CEP128: variants seen among roughly 807,000 people sequenced by gnomAD.
The protein encoded by CEP128 is centrosomal protein 128.
CEP128 carries 132 observed loss-of-function variants against 156.7 expected under a neutral mutation model. That is an observed-to-expected ratio of 0.84 (90% CI 0.73 to 0.97). CEP128 has a LOEUF of 0.97. CEP128 is among the 50% of genes least tolerant of loss of function. The pLI is 0.00. For synonymous variants in CEP128, 469 were observed against 448.9 expected (o/e 1.04, Z -0.57); for missense variants, 1,252 against 1,281.9 (o/e 0.98, Z 0.36).
At chr14:80,527,720 T>G in intron 22 of CEP128, among the ~76,000 whole-genome samples, 1 of 152,200 alleles carries the variant, frequency 6.6e-6, no homozygotes, top group East Asian at 1.9e-4. Flanking sequence ...ACTAGAGCCC[T>G]TTTACTTCAC....
intron 19 of CEP128, 56 bp downstream of exon 19, chr14:80,743,019 G>T: frequency 6.7e-7 from 1 of 1,499,334 alleles, no homozygotes; most frequent in South Asian, 1.2e-5. Context: ...TCCAATCCTA[G>T]GATTAGGATT....
chr14:80,756,818 A>T (rs1327222806), intron 18 of CEP128, 74 bp downstream of exon 18: 1 of 980,750 alleles, frequency 1.0e-6, no homozygotes, highest in Non-Finnish European at 1.6e-6. Flanking sequence ...ATAACAAAAT[A>T]AATAGCTAAA....
intron 19 of CEP128, among the ~76,000 whole-genome samples, chr14:80,723,357 A>G (rs1233903299): frequency 2.6e-5 from 4 of 152,202 alleles, no homozygotes; most frequent in African/African-American, 9.6e-5. Flanking sequence ...GCTTCCACCC[A>G]AATCAAAGAA....
At chr14:80,864,207 T>C (rs1887657236) in intron 8 of CEP128, among the ~76,000 whole-genome samples, 2 of 152,214 alleles carry the variant, frequency 1.3e-5, no homozygotes, top group African/African-American at 4.8e-5. Flanking sequence ...TATGTGTTAA[T>C]TGACTATGTT....
intron 19 of CEP128, among the ~76,000 whole-genome samples, chr14:80,688,619 CT>C (rs1287368258): frequency 2.0e-5 from 3 of 152,168 alleles, no homozygotes; most frequent in Non-Finnish European, 4.4e-5. Context: ...AAGGCATCAC[CT>C]AAAAATCTCC....
chr14:80,792,352 A>T (rs1278575865), intron 14 of CEP128, among the ~76,000 whole-genome samples: 1 of 152,168 alleles, frequency 6.6e-6, no homozygotes, highest in Non-Finnish European at 1.5e-5. Flanking sequence ...CTTCTTTCTA[A>T]CCAATACCTA....
chr14:80,653,371 G>A (rs1490949675), intron 19 of CEP128, among the ~76,000 whole-genome samples: 2 of 152,072 alleles, frequency 1.3e-5, no homozygotes, highest in Admixed American at 6.6e-5. Flanking sequence ...GAGGTCAGTT[G>A]ATGAGATTTC....
chr14:80,668,242 C>T (rs1046340229), intron 19 of CEP128, among the ~76,000 whole-genome samples: 34 of 152,200 alleles, frequency 2.2e-4, no homozygotes, highest in African/African-American at 8.2e-4. Flanking sequence ...GAATTCAAAC[C>T]TAGGCAGGAT....
At chr14:80,579,041 T>C (rs1291049828) in intron 20 of CEP128, among the ~76,000 whole-genome samples, 1 of 152,182 alleles carries the variant, frequency 6.6e-6, no homozygotes, top group Admixed American at 6.5e-5. Context: ...CTATTAAATT[T>C]AATGAGATTA....
At chr14:80,843,381 T>A (rs1183580225) in intron 9 of CEP128, among the ~76,000 whole-genome samples, 6 of 152,078 alleles carry the variant, frequency 3.9e-5, no homozygotes, top group African/African-American at 1.4e-4. Flanking sequence ...AGTGCTACAG[T>A]TGCACACCTT....
intron 2 of CEP128, chr14:80,958,107 C>T (rs1167103735): frequency 6.6e-6 from 1 of 151,658 alleles, no homozygotes; most frequent in Non-Finnish European, 1.5e-5. Flanking sequence ...GGCGGTAGAA[C>T]TCTTTGTTGA....
intron 11 of CEP128, among the ~76,000 whole-genome samples, chr14:80,837,174 T>A (rs1315109025): frequency 6.6e-6 from 1 of 152,250 alleles, no homozygotes; most frequent in Non-Finnish European, 1.5e-5. Flanking sequence ...GTAATACTCC[T>A]TCTGAACATC....
intron 19 of CEP128, among the ~76,000 whole-genome samples, chr14:80,670,270 C>A (rs1474517064): frequency 3.3e-5 from 5 of 152,202 alleles, no homozygotes; most frequent in East Asian, 3.9e-4. Context: ...AAAAAAGATA[C>A]CTTTACTCAT....
rs570848052 is a variant in CEP128, at chr14:80,640,977, C to T, written c.2807-60554G>A. The stretch of plus-strand genomic sequence containing the variant: ...TACACAGCTTTAATTAATGCATTTA[C>T]ATTCCTTGAGAATTGCTTCCTAGCT... On this transcript the variant is annotated intron_variant, in intron 19 of 24. Transcript: ENST00000555265. Among the ~76,000 whole-genome samples, 19 of 152,302 alleles carry T rather than the reference C, an allele frequency of 1.2e-4. 1 individual carries two copies. The highest frequency in any genetic ancestry group is 1.2e-3 in the South Asian group (6 of 4,826).
At chr14:80,553,386 C>T (rs1890294509) in intron 21 of CEP128, among the ~76,000 whole-genome samples, 1 of 152,116 alleles carries the variant, frequency 6.6e-6, no homozygotes, top group African/African-American at 2.4e-5. Context: ...ATTTTTAATA[C>T]CATCTATGGA....
intron 23 of CEP128, among the ~76,000 whole-genome samples, chr14:80,505,473 T>A (rs1402789825): frequency 6.6e-6 from 1 of 152,234 alleles, no homozygotes; most frequent in Non-Finnish European, 1.5e-5. Flanking sequence ...TTTAAACTTA[T>A]AACCTTTTCC....
intron 23 of CEP128, among the ~76,000 whole-genome samples, chr14:80,509,560 T>C (rs903718711): frequency 1.3e-5 from 2 of 152,248 alleles, no homozygotes; most frequent in African/African-American, 4.8e-5. Context: ...GATGGATAGT[T>C]TGCAAAAACT....
intron 8 of CEP128, among the ~76,000 whole-genome samples, chr14:80,881,543 G>A (rs1292362340): frequency 6.6e-6 from 1 of 152,138 alleles, no homozygotes; most frequent in Non-Finnish European, 1.5e-5. Context: ...AATAGAGTAA[G>A]AAGAGTAATA....
intron 20 of CEP128, among the ~76,000 whole-genome samples, chr14:80,567,691 T>C (rs1890972730): frequency 6.6e-6 from 1 of 152,172 alleles, no homozygotes; most frequent in Non-Finnish European, 1.5e-5. Flanking sequence ...CTCCAGGGAC[T>C]GTCAAATTCT....
Sources: allele counts gnomAD v4.1 joint callset (sites outside exome capture counted in the v4.1 genomes callset), GRCh38; gene constraint gnomAD v4.1.1; transcripts MANE v1.5; gene names NCBI Gene and HGNC (gene_info 2026-07-23, HGNC 2026-07-21).